Variants in CADM2 observed in about 807,000 individuals in gnomAD.
CADM2 encodes cell adhesion molecule 2.
Under a neutral mutation model 49.8 loss-of-function variants are expected in CADM2, and 12 were observed. The observed-to-expected ratio is 0.24, with a 90% CI of 0.15 to 0.39. The LOEUF (loss-of-function observed/expected upper bound fraction) is 0.39. Ranked by LOEUF, CADM2 falls within the 10% of genes least tolerant of loss-of-function variation. The pLI is 1.00. For synonymous variants in CADM2, 214 were observed against 175.4 expected (o/e 1.22, Z -1.74); for missense variants, 378 against 492.3 (o/e 0.77, Z 2.20).
At chr3:85,109,345 C>T (rs1452435760) in intron 1 of CADM2, among the ~76,000 whole-genome samples, 1 of 150,892 alleles carries the variant, frequency 6.6e-6, no homozygotes. Flanking sequence ...TATGCATAAA[C>T]ATAAACATAG....
At chr3:85,800,754 C>T (rs2071967915) in intron 2 of CADM2, 1 of 152,342 alleles carries the variant, frequency 6.6e-6, no homozygotes, top group Non-Finnish European at 1.5e-5. Context: ...CTAACCAGTC[C>T]CATTGAGATG....
intron 1 of CADM2, among the ~76,000 whole-genome samples, chr3:85,527,768 C>G (rs1363896484): frequency 6.6e-6 from 1 of 152,180 alleles, no homozygotes; most frequent in East Asian, 1.9e-4. Flanking sequence ...AATGCCATAA[C>G]TACTCTTAAA....
At chr3:85,995,082 T>C (rs1462742848) in intron 8 of CADM2, among the ~76,000 whole-genome samples, 1 of 134,360 alleles carries the variant, frequency 7.4e-6, no homozygotes, top group Non-Finnish European at 1.6e-5. Context: ...AAATGAAATA[T>C]AGGCTACACA....
intron 3 of CADM2, among the ~76,000 whole-genome samples, chr3:85,862,217 C>A (rs1398878655): frequency 2.0e-5 from 3 of 152,112 alleles, no homozygotes; most frequent in Non-Finnish European, 4.4e-5. Flanking sequence ...ATGACACTGA[C>A]CATTTTGGTC....
At chr3:85,981,815 A>G (rs1727520393) in intron 8 of CADM2, among the ~76,000 whole-genome samples, 1 of 151,728 alleles carries the variant, frequency 6.6e-6, no homozygotes, top group African/African-American at 2.4e-5. Flanking sequence ...TGCAATGAAC[A>G]TATGTGTGCG....
At chr3:85,291,331 C>T (rs1238253856) in intron 1 of CADM2, among the ~76,000 whole-genome samples, 4 of 151,638 alleles carry the variant, frequency 2.6e-5, no homozygotes, top group South Asian at 2.1e-4. Flanking sequence ...CTGAAAGTGA[C>T]GGGGAGAATG....
chr3:85,824,383 G>T (rs2073784496), intron 3 of CADM2, among the ~76,000 whole-genome samples: 1 of 152,012 alleles, frequency 6.6e-6, no homozygotes. Context: ...ACTTGTGTGG[G>T]AAATAAAATG....
At chr3:85,484,507 T>C (rs1020434111) in intron 1 of CADM2, among the ~76,000 whole-genome samples, 2 of 151,940 alleles carry the variant, frequency 1.3e-5, no homozygotes, top group African/African-American at 4.8e-5. Context: ...TAAATTTGTA[T>C]TCTATATAGA....
intron 1 of CADM2, among the ~76,000 whole-genome samples, chr3:85,721,803 C>T (rs2067514351): frequency 6.6e-6 from 1 of 152,216 alleles, no homozygotes; most frequent in South Asian, 2.1e-4. Context: ...CTTGTCTTCT[C>T]CCACAATGTG....
chr3:85,777,313 T>G (rs971830266), intron 2 of CADM2, among the ~76,000 whole-genome samples: 1 of 151,834 alleles, frequency 6.6e-6, no homozygotes, highest in South Asian at 2.1e-4. Flanking sequence ...TGGAGTGTCG[T>G]GGCGTGATCT....
intron 2 of CADM2, among the ~76,000 whole-genome samples, chr3:85,771,934 G>GT (rs1269772219): frequency 6.7e-6 from 1 of 149,722 alleles, no homozygotes; most frequent in African/African-American, 2.4e-5. Context: ...GAAAGGTGAA[G>GT]TTTTTCAGCA....
intron 2 of CADM2, among the ~76,000 whole-genome samples, chr3:85,732,400 CA>C (rs1283502440): frequency 6.6e-6 from 1 of 152,076 alleles, no homozygotes; most frequent in East Asian, 1.9e-4. Context: ...AAATATGTGT[CA>C]GGGGCGTTAG....
chr3:85,713,388 A>G (rs892838161), intron 1 of CADM2, among the ~76,000 whole-genome samples: 1 of 152,136 alleles, frequency 6.6e-6, no homozygotes, highest in East Asian at 1.9e-4. Flanking sequence ...ACCTCAGGTG[A>G]TCCGCCCTTC....
At chr3:85,758,853 T>G (rs900165614) in intron 2 of CADM2, among the ~76,000 whole-genome samples, 1 of 152,094 alleles carries the variant, frequency 6.6e-6, no homozygotes, top group African/African-American at 2.4e-5. Flanking sequence ...TCTGCATGTT[T>G]CTTAATTTTG....
intron 1 of CADM2, among the ~76,000 whole-genome samples, chr3:85,337,343 C>T (rs1056139620): frequency 3.3e-5 from 5 of 151,140 alleles, no homozygotes; most frequent in African/African-American, 1.2e-4. Context: ...TATACTTTCT[C>T]GTATTTCTCT....
chr3:85,488,486 A>G lies in CADM2; in HGVS notation c.62-238036A>G, dbSNP rs76928413. Among the ~76,000 whole-genome samples the G allele has an allele frequency of 2.8e-3, 432 of 152,146 alleles. 2 individuals are homozygous for G. The highest frequency in any genetic ancestry group is 6.8e-3 in the Middle Eastern group (2 of 294). ...TTAGATTCAGGCCTTTTGAGGGATG[A>G]TGAGATGATTTAGGTAATTTTATTA... On this transcript the variant is annotated intron_variant, in intron 1 of 9. Transcript: ENST00000383699.
intron 1 of CADM2, among the ~76,000 whole-genome samples, chr3:85,100,110 G>GTT (rs2037956153): frequency 1.3e-5 from 2 of 152,036 alleles, no homozygotes; most frequent in Non-Finnish European, 2.9e-5. Flanking sequence ...TCTTTCCCAG[G>GTT]TAAAACAGTG....
intron 1 of CADM2, among the ~76,000 whole-genome samples, chr3:85,011,307 AGT>A (rs1272118127): frequency 2.0e-5 from 3 of 152,068 alleles, no homozygotes; most frequent in African/African-American, 7.2e-5. Context: ...CATTTAGCAG[AGT>A]GTGTTATTCA....
At chr3:85,766,043 C>T (rs2069639319) in intron 2 of CADM2, among the ~76,000 whole-genome samples, 1 of 152,088 alleles carries the variant, frequency 6.6e-6, no homozygotes, top group Non-Finnish European at 1.5e-5. Context: ...CTACTATAGA[C>T]CTGTTAGAAT....
Sources: allele counts gnomAD v4.1 joint callset (sites outside exome capture counted in the v4.1 genomes callset), GRCh38; gene constraint gnomAD v4.1.1; transcripts MANE v1.5; gene names NCBI Gene and HGNC (gene_info 2026-07-23, HGNC 2026-07-21).